LCA5: variants seen among roughly 807,000 people sequenced by gnomAD.
LCA5 encodes lebercilin.
In LCA5, 37 loss-of-function variants were observed where a neutral mutation model predicts 53.0. The observed-to-expected ratio is 0.70, with a 90% CI of 0.54 to 0.92. The LOEUF (loss-of-function observed/expected upper bound fraction) is 0.92, where lower values mean the gene tolerates loss of function less well. Ranked by LOEUF, LCA5 falls within the 40% of genes least tolerant of loss-of-function variation. LCA5 has a pLI of 0.00. For missense variants in LCA5, 806 were observed against 790.5 expected (o/e 1.02, Z -0.23); for synonymous variants, 303 against 282.9 (o/e 1.07, Z -0.71).
At chr6:79,513,863 T>C (rs1237595058) in intron 2 of LCA5, 122 bp from the exon 3 acceptor site, 1 of 912,436 alleles carries the variant, frequency 1.1e-6, no homozygotes, top group Non-Finnish European at 1.7e-6. Context: ...GAAAGGATTT[T>C]ACAATATTTA....
chr6:79,503,828 T>C (rs1049545207), intron 3 of LCA5, among the ~76,000 whole-genome samples: 5 of 152,254 alleles, frequency 3.3e-5, no homozygotes, highest in Non-Finnish European at 5.9e-5. Flanking sequence ...AAAGTTCCAC[T>C]CAGAACTTAA....
chr6:79,513,168 G>A (rs199627478), intron 3 of LCA5, 44 bp downstream of exon 3: 51 of 1,571,118 alleles, frequency 3.2e-5, no homozygotes, highest in Admixed American at 1.0e-4. Flanking sequence ...TGCCCAATGA[G>A]AAACATCCCA....
intron 2 of LCA5, among the ~76,000 whole-genome samples, chr6:79,514,242 C>T (rs1202472703): frequency 6.6e-6 from 1 of 152,044 alleles, no homozygotes; most frequent in African/African-American, 2.4e-5. Flanking sequence ...TGCTTGTTGG[C>T]CATAAGTATG....
At chr6:79,524,211 C>T (rs1766715051) in intron 1 of LCA5, among the ~76,000 whole-genome samples, 1 of 152,186 alleles carries the variant, frequency 6.6e-6, no homozygotes, top group African/African-American at 2.4e-5. Flanking sequence ...TATTGTACTG[C>T]TGTCATTCTG....
chr6:79,528,959 A>G (rs1202410855), intron 1 of LCA5, among the ~76,000 whole-genome samples: 1 of 152,232 alleles, frequency 6.6e-6, no homozygotes, highest in Non-Finnish European at 1.5e-5. Flanking sequence ...CTAGGCAACA[A>G]ACTGGCAGAA....
intron 1 of LCA5, among the ~76,000 whole-genome samples, chr6:79,521,874 C>A (rs1215020586): frequency 6.6e-6 from 1 of 152,130 alleles, no homozygotes; most frequent in Non-Finnish European, 1.5e-5. Context: ...AGGACGCTAT[C>A]AGATACTACT....
At chr6:79,538,018 G>GTTTTTTTTTTTTTTTTT (rs869197362), upstream of LCA5, among the ~76,000 whole-genome samples, 13 of 44,164 alleles carry the variant, frequency 2.9e-4, 2 homozygotes, top group Non-Finnish European at 5.1e-4. Context: ...TTGCACACAA[G>GTTTTTTTTTTTTTTTTT]TTTTTTTTTT....
chr6:79,492,565 G>T lies in LCA5; in HGVS notation c.941C>A (p.Ala314Glu). 4.6e-6 allele frequency: 7 copies of T among 1,522,554 alleles called. No homozygotes were observed. Among genetic ancestry groups the T allele is most frequent in the Non-Finnish European group, 6.3e-6 (7 of 1,105,374 alleles). 94.3% of individuals were successfully genotyped at this position (1,522,554 alleles called of 1,614,324 possible). Reference protein sequence around the residue: ...KSSPNKEKELALRKNAACQSD... With the variant: ...KSSPNKEKELELRKNAACQSD... ...ATTTACCATACCATTTTTTCTTAAT[G>T]CAAGTTCTTTCTCTTTATTTGGAGA... Residue 314 changes from alanine (A) to glutamate (E), a missense_variant, in exon 5 of 8, where the codon GCA becomes GAA. Physicochemically the swap from Ala to Glu is moderately radical, Grantham distance 107. Transcript: ENST00000369846.
intron 3 of LCA5, among the ~76,000 whole-genome samples, chr6:79,510,533 T>G (rs1031196623): frequency 6.6e-6 from 1 of 152,072 alleles, no homozygotes; most frequent in African/African-American, 2.4e-5. Context: ...TAGGGATAGG[T>G]GACGTGTTAG....
chr6:79,515,356 C>T (rs942239100), intron 2 of LCA5, among the ~76,000 whole-genome samples: 2 of 152,052 alleles, frequency 1.3e-5, no homozygotes, highest in Non-Finnish European at 2.9e-5. Context: ...GATTTCTTTT[C>T]TGTGATGTTC....
chr6:79,514,520 C>T (rs577805439), intron 2 of LCA5, among the ~76,000 whole-genome samples: 2 of 152,086 alleles, frequency 1.3e-5, no homozygotes, highest in Admixed American at 1.3e-4. Flanking sequence ...GGTATATACC[C>T]AAAGGAAAAG....
intron 3 of LCA5, among the ~76,000 whole-genome samples, chr6:79,498,947 A>G (rs892186849): frequency 6.6e-6 from 1 of 152,148 alleles, no homozygotes; most frequent in Non-Finnish European, 1.5e-5. Context: ...AAAATTGTAC[A>G]CCATTCCAAA....
intron 3 of LCA5, among the ~76,000 whole-genome samples, chr6:79,494,405 T>C (rs1769925213): frequency 1.3e-5 from 2 of 152,166 alleles, no homozygotes; most frequent in South Asian, 2.1e-4. Context: ...ATCAGGTTTA[T>C]AAAATAATTC....
At chr6:79,500,385 A>G (rs1002222152) in intron 3 of LCA5, among the ~76,000 whole-genome samples, 1 of 152,210 alleles carries the variant, frequency 6.6e-6, no homozygotes, top group African/African-American at 2.4e-5. Context: ...AACACAAAGG[A>G]TAAGTTATTT....
chr6:79,489,749 A>C (rs1005908174), intron 6 of LCA5, among the ~76,000 whole-genome samples: 2 of 152,076 alleles, frequency 1.3e-5, no homozygotes, highest in African/African-American at 4.8e-5. Context: ...ATTTTTCTTA[A>C]TAAAAGTGAA....
intron 1 of LCA5, among the ~76,000 whole-genome samples, chr6:79,521,426 A>AT (rs1424851614): frequency 1.3e-5 from 2 of 152,186 alleles, no homozygotes; most frequent in African/African-American, 4.8e-5. Flanking sequence ...ACCAAAAAAA[A>AT]TTTTTAAAGC....
At chr6:79,497,495 G>A (rs1379288811) in intron 3 of LCA5, among the ~76,000 whole-genome samples, 6 of 152,090 alleles carry the variant, frequency 3.9e-5, no homozygotes, top group South Asian at 2.1e-4. Flanking sequence ...AGAGAAATAC[G>A]AAGTTAAGGA....
chr6:79,504,118 A>G (rs943843779), intron 3 of LCA5, among the ~76,000 whole-genome samples: 6 of 152,332 alleles, frequency 3.9e-5, no homozygotes, highest in Admixed American at 3.3e-4. Flanking sequence ...ACTTTGATCC[A>G]AGAACAACTA....
chr6:79,509,310 C>T (rs975216487), intron 3 of LCA5, among the ~76,000 whole-genome samples: 4 of 151,832 alleles, frequency 2.6e-5, no homozygotes, highest in African/African-American at 4.8e-5. Flanking sequence ...AAAAATTAGC[C>T]GGGCATGGTT....
Sources: allele counts gnomAD v4.1 joint callset (sites outside exome capture counted in the v4.1 genomes callset), GRCh38; gene constraint gnomAD v4.1.1; transcripts MANE v1.5; gene names NCBI Gene and HGNC (gene_info 2026-07-23, HGNC 2026-07-21).